The following DST variants were observed in gnomAD, a reference collection of about 807,000 sequenced individuals.
DST encodes dystonin, also known as bullous pemphigoid antigen.
DST carries 253 observed loss-of-function variants against 875.2 expected under a neutral mutation model. The ratio of observed to expected loss-of-function variants is 0.29; its 90% CI spans 0.26 to 0.32. DST has a LOEUF of 0.32. Among genes scored for constraint, DST ranks in the 10% least tolerant of loss-of-function variants. The pLI is 1.00. For synonymous variants in DST, 3,124 were observed against 3,197.1 expected (o/e 0.98, Z 0.77); for missense variants, 8,287 against 9,111.6 (o/e 0.91, Z 3.68).
At chr6:56,764,429 T>C (rs1181748800) in intron 4 of DST, among the ~76,000 whole-genome samples, 1 of 152,196 alleles carries the variant, frequency 6.6e-6, no homozygotes, top group East Asian at 1.9e-4. Context: ...CTTGATTTTC[T>C]ACACTCCCTT....
intron 10 of DST, among the ~76,000 whole-genome samples, chr6:56,663,696 T>C (rs1219218619): frequency 6.6e-6 from 1 of 152,222 alleles, no homozygotes; most frequent in Non-Finnish European, 1.5e-5. Context: ...CCTTCACAAT[T>C]ACAGCATCTT....
At chr6:56,693,292 C>T (rs2099244354) in intron 9 of DST, 5 of 1,174,974 alleles carry the variant, frequency 4.3e-6, no homozygotes, top group Non-Finnish European at 5.3e-6. Context: ...AGTCTGAGGC[C>T]ATTTTGCTTA....
At chr6:56,681,384 TAAG>T (rs1199340144) in intron 9 of DST, among the ~76,000 whole-genome samples, 1 of 152,154 alleles carries the variant, frequency 6.6e-6, no homozygotes, top group African/African-American at 2.4e-5. Flanking sequence ...ACTTCCTCAA[TAAG>T]AATGCATTTC....
intron 3 of DST, among the ~76,000 whole-genome samples, chr6:56,855,318 T>C (rs1012646527): frequency 6.6e-6 from 1 of 152,188 alleles, no homozygotes. Context: ...CATAAAAATA[T>C]CACCAAACTT....
At chr6:56,810,700 G>C (rs2099758788) in intron 4 of DST, among the ~76,000 whole-genome samples, 1 of 150,962 alleles carries the variant, frequency 6.6e-6, no homozygotes, top group Non-Finnish European at 1.5e-5. Flanking sequence ...GATTTGCTCA[G>C]GGTCTCACAG....
At chr6:56,925,035 T>C (rs996526191) in intron 2 of DST, among the ~76,000 whole-genome samples, 1 of 152,166 alleles carries the variant, frequency 6.6e-6, no homozygotes, top group Admixed American at 6.5e-5. Context: ...AACAGCATAG[T>C]AGGAAAGAGA....
chr6:56,732,533 CA>C (rs1174132263), intron 5 of DST, among the ~76,000 whole-genome samples: 1 of 151,808 alleles, frequency 6.6e-6, no homozygotes, highest in African/African-American at 2.4e-5. Context: ...TATCGAAGAG[CA>C]AAAAAATCCT....
At chr6:56,903,812 C>T (rs1363990381) in intron 2 of DST, among the ~76,000 whole-genome samples, 1 of 152,236 alleles carries the variant, frequency 6.6e-6, no homozygotes, top group East Asian at 1.9e-4. Context: ...ATCTTCATTC[C>T]ACCTTAACAT....
chr6:56,734,570 T>A (rs568261201), intron 5 of DST, among the ~76,000 whole-genome samples: 134 of 152,338 alleles, frequency 8.8e-4, no homozygotes, highest in African/African-American at 3.2e-3. Flanking sequence ...AAGGGTTCCT[T>A]ACACAAGATT....
rs576600430 is a variant in DST at position 56,868,969 on chromosome 6, G to C, written c.418-17365C>G. 5.3e-5 allele frequency among the ~76,000 whole-genome samples: 8 copies of C among 152,278 alleles called. No homozygotes were observed. In the South Asian group the frequency reaches 1.7e-3, roughly 32 times the overall value. Reference sequence around the variant, plus strand: ...AAGACCAAGAGATAAGAAACAATTGGCTAAATGTACTGCACAGCCCTACAT... The same window carrying C: ...AAGACCAAGAGATAAGAAACAATTGCCTAAATGTACTGCACAGCCCTACAT... On this transcript the variant is annotated intron_variant, in intron 3 of 103. Transcript: ENST00000680361.
chr6:56,930,992 T>C (rs181458478), intron 2 of DST, among the ~76,000 whole-genome samples: 80 of 152,330 alleles, frequency 5.3e-4, no homozygotes, highest in African/African-American at 1.7e-3. Context: ...CAATCACTTA[T>C]ATTGTGGAAT....
chr6:56,628,258 A>C, intron 32 of DST, 97 bp from the exon 33 acceptor site: 1 of 1,091,084 alleles, frequency 9.2e-7, no homozygotes, highest in Non-Finnish European at 1.4e-6. Flanking sequence ...TTGGACTGCA[A>C]TGAACTAAGC....
intron 2 of DST, among the ~76,000 whole-genome samples, chr6:56,916,755 C>T (rs1025546180): frequency 2.7e-5 from 2 of 74,412 alleles, no homozygotes; most frequent in African/African-American, 1.4e-4. Context: ...CTCTCTCTAT[C>T]TCTCTCTCTC....
intron 4 of DST, among the ~76,000 whole-genome samples, chr6:56,795,741 T>C (rs933491974): frequency 2.0e-5 from 3 of 151,056 alleles, no homozygotes; most frequent in African/African-American, 7.3e-5. Context: ...CAAGAAAGAG[T>C]GGGGGAGGGA....
chr6:56,935,457 T>C (rs1055376418), intron 2 of DST, among the ~76,000 whole-genome samples: 2 of 152,250 alleles, frequency 1.3e-5, no homozygotes, highest in Non-Finnish European at 2.9e-5. Flanking sequence ...AGTTAGTTAT[T>C]TAAAACTTGT....
chr6:56,773,385 T>G (rs1327268873), intron 4 of DST, among the ~76,000 whole-genome samples: 1 of 152,150 alleles, frequency 6.6e-6, no homozygotes, highest in Non-Finnish European at 1.5e-5. Context: ...ATATACTTTT[T>G]TCATTTCCTT....
intron 2 of DST, among the ~76,000 whole-genome samples, chr6:56,922,816 TGTACAGCTG>T (rs1804988033): frequency 6.6e-6 from 1 of 152,212 alleles, no homozygotes; most frequent in Non-Finnish European, 1.5e-5. Flanking sequence ...GGATGAGCTT[TGTACAGCTG>T]GTCAGATACA....
At chr6:56,577,013 C>T (rs934436885) in intron 50 of DST, among the ~76,000 whole-genome samples, 3 of 151,950 alleles carry the variant, frequency 2.0e-5, no homozygotes, top group African/African-American at 7.3e-5. Context: ...TTTTAGTAAA[C>T]TAAAAAATAT....
intron 2 of DST, among the ~76,000 whole-genome samples, chr6:56,932,382 C>T (rs1810811790): frequency 6.6e-6 from 1 of 152,114 alleles, no homozygotes; most frequent in Admixed American, 6.5e-5. Context: ...AACCTAGTCT[C>T]AAGTTTGTCT....
Sources: gnomAD v4.1 joint callset for allele counts (sites outside exome capture counted in the v4.1 genomes callset) on GRCh38, gnomAD v4.1.1 for gene constraint, MANE v1.5 for transcripts, NCBI Gene and HGNC (gene_info 2026-07-23, HGNC 2026-07-21) for gene names.